Variants in RASGRF2 observed in about 807,000 individuals in gnomAD.
RASGRF2 encodes ras-specific guanine nucleotide-releasing factor 2.
Under a neutral mutation model 151.0 loss-of-function variants are expected in RASGRF2, and 76 were observed. The observed-to-expected ratio is 0.50, with a 90% CI of 0.42 to 0.61. The LOEUF is 0.61. RASGRF2 is among the 20% of genes least tolerant of loss of function. RASGRF2 has a pLI of 0.00. For missense variants in RASGRF2, 1,148 were observed against 1,564.6 expected (o/e 0.73, Z 4.49); for synonymous variants, 504 against 566.5 (o/e 0.89, Z 1.57).
At chr5:81,101,519 TC>T (rs1324330859) in intron 12 of RASGRF2, among the ~76,000 whole-genome samples, 23 of 152,150 alleles carry the variant, frequency 1.5e-4, no homozygotes, top group Non-Finnish European at 2.1e-4. Context: ...CCTGGGGATG[TC>T]CCTAAAGTCT....
At chr5:81,070,867 T>C (rs1751753401) in intron 4 of RASGRF2, among the ~76,000 whole-genome samples, 1 of 152,258 alleles carries the variant, frequency 6.6e-6, no homozygotes, top group African/African-American at 2.4e-5. Flanking sequence ...TTGTGCGGCT[T>C]TCATATTTTG....
At chr5:81,164,868 A>G (rs1346147382) in intron 17 of RASGRF2, among the ~76,000 whole-genome samples, 1 of 152,166 alleles carries the variant, frequency 6.6e-6, no homozygotes, top group African/African-American at 2.4e-5. Context: ...CAGAAGAGGA[A>G]CTTGGAGGCT....
chr5:81,163,474 G>T (rs1398657079), intron 17 of RASGRF2, among the ~76,000 whole-genome samples: 2 of 152,070 alleles, frequency 1.3e-5, no homozygotes, highest in African/African-American at 2.4e-5. Context: ...GTGCATAAGT[G>T]AAATAGCCAA....
chr5:81,182,572 A>G (rs1754940551), intron 18 of RASGRF2, among the ~76,000 whole-genome samples: 1 of 152,042 alleles, frequency 6.6e-6, no homozygotes. Flanking sequence ...CTGCCCAGTA[A>G]TCATTTGGCC....
intron 17 of RASGRF2, among the ~76,000 whole-genome samples, chr5:81,165,009 G>A (rs565434958): frequency 7.9e-5 from 12 of 152,322 alleles, no homozygotes; most frequent in African/African-American, 2.2e-4. Context: ...AAAGACAGGC[G>A]GAGCCAATCC....
chr5:81,204,534 C>T (rs1424135389), intron 19 of RASGRF2, among the ~76,000 whole-genome samples: 2 of 152,152 alleles, frequency 1.3e-5, no homozygotes, highest in Non-Finnish European at 2.9e-5. Context: ...GATGAATACA[C>T]TTAATTGCCA....
intron 1 of RASGRF2, among the ~76,000 whole-genome samples, chr5:81,006,222 G>A (rs1010369910): frequency 1.3e-5 from 2 of 151,962 alleles, no homozygotes; most frequent in Admixed American, 6.6e-5. Flanking sequence ...ATTTCCTGTC[G>A]AATTTGCCCC....
intron 1 of RASGRF2, among the ~76,000 whole-genome samples, chr5:80,969,815 C>CTTTTTTTTTTTTTTTTTTT (rs10584906): frequency 1.3e-5 from 1 of 76,940 alleles, no homozygotes; most frequent in Non-Finnish European, 2.2e-5. Flanking sequence ...ACTTCTTCTT[C>CTTTTTTTTTTTTTTTTTTT]TTTTTTTTTT....
chr5:80,964,510 A>G lies in RASGRF2; in HGVS notation c.288+3484A>G, dbSNP rs554011070. Among the ~76,000 whole-genome samples, 63 of 152,152 alleles carry G rather than the reference A, an allele frequency of 4.1e-4. 1 individual carries two copies. In the South Asian group the frequency reaches 7.7e-3, roughly 19 times the overall value. On this transcript the variant is annotated intron_variant, in intron 1 of 26. Coordinates refer to ENST00000265080, the MANE Select transcript of RASGRF2 (RefSeq NM_006909.3). ...ATTAACATCATCGTTATTATTACCT[A>G]TTGCTAACACTGAAACTCAAAGACT...
chr5:81,080,630 C>T lies in RASGRF2; in HGVS notation c.1002C>T (p.Asn334=), dbSNP rs775041524. 12 of 1,613,998 alleles carry T rather than the reference C, an allele frequency of 7.4e-6. No homozygotes were observed. The highest frequency in any genetic ancestry group is 1.3e-5 in the African/African-American group (1 of 74,936). The change falls in exon 7 of 27, where the codon AAC becomes AAT. Residue 334 remains asparagine (N), a synonymous_variant. Coordinates refer to ENST00000265080, the MANE Select transcript of RASGRF2 (RefSeq NM_006909.3). ...DLFDILLPML[N]IYQEFVRNHQ... is the part of the protein sequence containing the mutation. Reference sequence around the variant, plus strand: ...TTGATATTTTGCTCCCCATGCTGAACATTTATCAAGAATTTGTGCGTAATC... The same window carrying T: ...TTGATATTTTGCTCCCCATGCTGAATATTTATCAAGAATTTGTGCGTAATC...
chr5:81,216,512 CTAA>C (rs766230798), intron 24 of RASGRF2, among the ~76,000 whole-genome samples: 1 of 151,558 alleles, frequency 6.6e-6, no homozygotes, highest in Non-Finnish European at 1.5e-5. Flanking sequence ...AAGACTAAGA[CTAA>C]TAATAATAAT....
intron 1 of RASGRF2, among the ~76,000 whole-genome samples, chr5:80,969,355 C>T (rs571139242): frequency 2.7e-5 from 4 of 150,748 alleles, no homozygotes; most frequent in Non-Finnish European, 4.4e-5. Flanking sequence ...AGGCTGGTCT[C>T]GAACTCCTGA....
At chr5:80,978,699 A>C (rs1283131064) in intron 1 of RASGRF2, among the ~76,000 whole-genome samples, 1 of 152,168 alleles carries the variant, frequency 6.6e-6, no homozygotes, top group Non-Finnish European at 1.5e-5. Context: ...AGGTGGGAGA[A>C]TCACGTGAAC....
At chr5:81,190,529 A>G (rs1478337456) in intron 18 of RASGRF2, among the ~76,000 whole-genome samples, 1 of 152,240 alleles carries the variant, frequency 6.6e-6, no homozygotes, top group Non-Finnish European at 1.5e-5. Flanking sequence ...ATTATTTGTC[A>G]TATCTCTCTG....
At chr5:81,084,304 T>G (rs565617136) in intron 7 of RASGRF2, among the ~76,000 whole-genome samples, 1 of 152,354 alleles carries the variant, frequency 6.6e-6, no homozygotes, top group African/African-American at 2.4e-5. Context: ...GTGGAATTAC[T>G]AATTAGAGGC....
intron 17 of RASGRF2, among the ~76,000 whole-genome samples, chr5:81,134,686 C>A (rs1753711769): frequency 6.6e-6 from 1 of 152,170 alleles, no homozygotes; most frequent in African/African-American, 2.4e-5. Context: ...GTTTAAAAAT[C>A]TGACTCCATA....
intron 2 of RASGRF2, among the ~76,000 whole-genome samples, chr5:81,050,619 T>C (rs1464743706): frequency 6.6e-6 from 1 of 152,160 alleles, no homozygotes; most frequent in East Asian, 1.9e-4. Flanking sequence ...TGTGTGGGAA[T>C]GTCTCTTCCA....
chr5:81,102,068 C>T (rs1390254699), intron 12 of RASGRF2, among the ~76,000 whole-genome samples: 2 of 152,094 alleles, frequency 1.3e-5, no homozygotes, highest in South Asian at 2.1e-4. Context: ...AATTTTAATG[C>T]GTAGGTATAT....
At chr5:81,216,264 A>G (rs1374019185) in intron 24 of RASGRF2, among the ~76,000 whole-genome samples, 1 of 151,898 alleles carries the variant, frequency 6.6e-6, no homozygotes, top group African/African-American at 2.4e-5. Context: ...TCTAAGCACA[A>G]TTATTTCCTG....
Sources: allele counts gnomAD v4.1 joint callset (sites outside exome capture counted in the v4.1 genomes callset), GRCh38; gene constraint gnomAD v4.1.1; transcripts MANE v1.5; gene names NCBI Gene and HGNC (gene_info 2026-07-23, HGNC 2026-07-21).